HECW1: variants seen among roughly 807,000 people sequenced by gnomAD.
HECW1 encodes HECT, C2 and WW domain containing E3 ubiquitin protein ligase 1.
HECW1 carries 61 observed loss-of-function variants against 182.3 expected under a neutral mutation model. That is an observed-to-expected ratio of 0.33 (90% CI 0.27 to 0.41). HECW1 has a LOEUF of 0.41. HECW1 is among the 10% of genes least tolerant of loss of function. HECW1 has a pLI of 1.00. For synonymous variants in HECW1, 859 were observed against 832.6 expected (o/e 1.03, Z -0.55); for missense variants, 1,739 against 2,108.9 (o/e 0.82, Z 3.44).
In HECW1 at chr7:43,429,289, C is replaced by CATATATATAT. The variant is rs57627873; in HGVS notation, c.802-8676_802-8667dup. The stretch of plus-strand genomic sequence containing the variant: ...ATATAAACTTTCCATATATTATATG[C>CATATATATAT]ATATATATATATATATATATATATA... On this transcript the variant is annotated intron_variant, in intron 8 of 29. Coordinates refer to ENST00000395891, the MANE Select transcript of HECW1 (RefSeq NM_015052.5). Among the ~76,000 whole-genome samples the CATATATATAT allele has an allele frequency of 5.2e-4, 55 of 106,678 alleles. 1 individual carries two copies. Among genetic ancestry groups the CATATATATAT allele is most frequent in the Non-Finnish European group, 6.4e-4 (34 of 53,010 alleles). The allele number at this position is 106,678 out of a possible 152,430, so 70.0% of individuals were successfully genotyped here.
chr7:43,265,492 A>T (rs1393946306), intron 3 of HECW1, among the ~76,000 whole-genome samples: 1 of 152,246 alleles, frequency 6.6e-6, no homozygotes, highest in African/African-American at 2.4e-5. Flanking sequence ...GTTGAAATGT[A>T]TAAAATTGTT....
chr7:43,355,516 T>A (rs1815013618), intron 5 of HECW1, among the ~76,000 whole-genome samples: 3 of 152,172 alleles, frequency 2.0e-5, no homozygotes, highest in Admixed American at 1.3e-4. Flanking sequence ...TAAGATAAGT[T>A]GTCATCTCCT....
intron 2 of HECW1, among the ~76,000 whole-genome samples, chr7:43,199,911 A>G (rs544818210): frequency 1.3e-5 from 2 of 152,200 alleles, no homozygotes; most frequent in South Asian, 4.1e-4. Flanking sequence ...GTAAGTACTG[A>G]GGGCAATTTT....
intron 3 of HECW1, among the ~76,000 whole-genome samples, chr7:43,302,951 G>GCGCGCGCACACACACA (rs1421356447): frequency 2.1e-5 from 2 of 95,534 alleles, no homozygotes; most frequent in East Asian, 6.3e-4. Flanking sequence ...ACACACACAT[G>GCGCGCGCACACACACA]CGCGCACACA....
At chr7:43,529,990 C>T (rs2080916236) in intron 24 of HECW1, among the ~76,000 whole-genome samples, 1 of 151,830 alleles carries the variant, frequency 6.6e-6, no homozygotes. Flanking sequence ...CGCTCTGTCA[C>T]CCATGCTGGA....
At chr7:43,307,559 C>G (rs1807737347) in intron 3 of HECW1, among the ~76,000 whole-genome samples, 2 of 152,060 alleles carry the variant, frequency 1.3e-5, no homozygotes, top group Admixed American at 1.3e-4. Context: ...GGCCTTTTAT[C>G]CAGGGCTATT....
chr7:43,530,910 C>G (rs73693015), intron 24 of HECW1, among the ~76,000 whole-genome samples: 2,076 of 152,274 alleles, frequency 0.014, 58 homozygotes, highest in African/African-American at 0.048. Flanking sequence ...TCTAAAAATG[C>G]CAAAACAAGC....
At chr7:43,320,597 A>G in intron 4 of HECW1, 38 bp from the exon 5 acceptor site, 2 of 1,368,262 alleles carry the variant, frequency 1.5e-6, no homozygotes, top group Non-Finnish European at 2.1e-6. Flanking sequence ...GTTGACTGAT[A>G]TGTTTCTCTG....
At chr7:43,184,056 C>T (rs1219818804) in intron 2 of HECW1, among the ~76,000 whole-genome samples, 1 of 151,988 alleles carries the variant, frequency 6.6e-6, no homozygotes, top group Non-Finnish European at 1.5e-5. Flanking sequence ...CTCTGTTGCC[C>T]AGGCTGGATT....
At chr7:43,296,644 G>T (rs886550) in intron 3 of HECW1, among the ~76,000 whole-genome samples, 34,528 of 152,050 alleles carry the variant, frequency 0.23, 5,088 homozygotes, top group East Asian at 0.46. Context: ...CAGGTTTATG[G>T]CTCCTTTGCA....
chr7:43,178,286 G>A (rs572033169), intron 2 of HECW1, among the ~76,000 whole-genome samples: 4 of 148,690 alleles, frequency 2.7e-5, no homozygotes, highest in South Asian at 2.1e-4. Flanking sequence ...GATTACAGGC[G>A]TGAGCCACCG....
At position 43,507,151 on chromosome 7, in the gene HECW1, A is replaced by G. The variant is rs566809620; in HGVS notation, c.3646A>G (p.Ser1216Gly). 1.0e-4 allele frequency: 163 copies of G among 1,613,884 alleles called. 2 individuals carry two copies. The South Asian group carries it at 1.6e-3, about 16-fold the overall frequency. Residue 1216 changes from serine (S) to glycine (G), a missense_variant, in exon 22 of 30, where the codon AGT becomes GGT. Coordinates refer to ENST00000395891, the MANE Select transcript of HECW1 (RefSeq NM_015052.5). ...PQNSPGLQRASARAPSPYRRD... is the reference protein window; with the variant it reads ...PQNSPGLQRAGARAPSPYRRD... ...TCTCTCTGCAGGTTTACAGAGAGCC[A>G]GTGCAAGAGCCCCTTCCCCCTACCG...
intron 3 of HECW1, among the ~76,000 whole-genome samples, chr7:43,283,956 C>T (rs1275724903): frequency 6.6e-6 from 1 of 152,196 alleles, no homozygotes; most frequent in African/African-American, 2.4e-5. Flanking sequence ...GGAACAGCCA[C>T]ACCTCTTCCC....
intron 2 of HECW1, among the ~76,000 whole-genome samples, chr7:43,226,661 C>G (rs570132319): frequency 7.3e-4 from 111 of 152,186 alleles, no homozygotes; most frequent in African/African-American, 2.6e-3. Flanking sequence ...ACTGGACATG[C>G]AGGAGATGGG....
intron 2 of HECW1, among the ~76,000 whole-genome samples, chr7:43,186,897 A>C (rs1793463511): frequency 1.3e-5 from 2 of 152,118 alleles, no homozygotes; most frequent in Non-Finnish European, 1.5e-5. Context: ...GTTTAAGTAC[A>C]CTCTGGGATG....
At chr7:43,149,772 A>G (rs1268417421) in intron 2 of HECW1, among the ~76,000 whole-genome samples, 1 of 152,190 alleles carries the variant, frequency 6.6e-6, no homozygotes, top group Admixed American at 6.5e-5. Flanking sequence ...TTTTTCAGAC[A>G]TATTTTATAC....
chr7:43,270,670 C>A (rs1802298704), intron 3 of HECW1, among the ~76,000 whole-genome samples: 1 of 151,982 alleles, frequency 6.6e-6, no homozygotes, highest in Non-Finnish European at 1.5e-5. Flanking sequence ...CAAAACAAAC[C>A]AAGGTATTAG....
In HECW1 at chr7:43,352,953, G is replaced by T. The variant is rs146954692; in HGVS notation, c.461-7933G>T. On this transcript the variant is annotated intron_variant, in intron 5 of 29. Transcript: ENST00000395891. ...TAATCCCTTAACAGTGTAGGAAGGT[G>T]GGGGGGCAGGGAAGCAATTTTCTCC... 4.6e-5 allele frequency among the ~76,000 whole-genome samples: 7 copies of T among 151,876 alleles called. No homozygotes were observed. In the East Asian group the frequency reaches 7.7e-4, roughly 17 times the overall value.
intron 2 of HECW1, among the ~76,000 whole-genome samples, chr7:43,155,398 G>T (rs1235403729): frequency 1.3e-5 from 2 of 152,012 alleles, no homozygotes; most frequent in East Asian, 1.9e-4. Flanking sequence ...GGACAAAAAA[G>T]GTTCATAACT....
Sources: gnomAD v4.1 joint callset for allele counts (sites outside exome capture counted in the v4.1 genomes callset) on GRCh38, gnomAD v4.1.1 for gene constraint, MANE v1.5 for transcripts, NCBI Gene and HGNC (gene_info 2026-07-23, HGNC 2026-07-21) for gene names.